The following TWF1 variants were observed in gnomAD, a reference collection of about 807,000 sequenced individuals.
TWF1 encodes the protein twinfilin actin binding protein 1, also known as twinfilin-1.
Under a neutral mutation model 47.9 loss-of-function variants are expected in TWF1, and 14 were observed. That is an observed-to-expected ratio of 0.29 (90% CI 0.19 to 0.46). The LOEUF is 0.46. TWF1 is among the 20% of genes least tolerant of loss of function. The probability of loss-of-function intolerance (pLI) is 1.00; values close to 1 mark genes in which losing one functional copy is unlikely to be tolerated. For synonymous variants in TWF1, 96 were observed against 139.2 expected, an observed-to-expected ratio of 0.69 and a Z score of 2.18; for missense variants, 281 against 409.3, an observed-to-expected ratio of 0.69 and a Z score of 2.70.
At position 43,798,635 on chromosome 12, in the gene TWF1, AAT is replaced by A. The variant is rs1555173563; in HGVS notation, c.483+761_483+762del. 21 of 1,485,378 alleles carry A rather than the reference AAT, an allele frequency of 1.4e-5. No individual in the cohort carries two copies. The East Asian group carries it at 4.2e-4, about 30-fold the overall frequency. 92.0% of individuals were successfully genotyped at this position (1,485,378 alleles called of 1,614,324 possible). ...TATCAAACTCGTAAAAAAAAAAAAA[AAT>A]CACATAAAAAGCCCTACTCAAATAA... On this transcript the variant is annotated intron_variant, in intron 5 of 8. Transcript: ENST00000395510.
In TWF1 at chr12:43,795,420, T is replaced by A; in HGVS notation, c.*165A>T. 1.8e-6 allele frequency: 1 copy of A among 567,042 alleles called. No individual in the cohort carries two copies. The highest frequency in any genetic ancestry group is 2.8e-5 in the East Asian group (1 of 35,370). 35.1% of individuals were successfully genotyped at this position (567,042 alleles called of 1,614,324 possible). On this transcript the variant is annotated 3_prime_UTR_variant, in exon 9 of 9. Transcript: ENST00000395510. ...TTAACTCAAAAATAGAAATCATGAG[T>A]CTTCTATAACATTAATTTTAAAAAC...
intron 4 of TWF1, 39 bp from the exon 5 acceptor site, chr12:43,799,541 G>T: frequency 8.4e-7 from 1 of 1,191,038 alleles, no homozygotes; most frequent in African/African-American, 1.6e-5. Flanking sequence ...TAATTCTCTA[G>T]AAGTAAAATG....
intron 5 of TWF1, chr12:43,798,494 A>T: frequency 7.1e-7 from 1 of 1,416,414 alleles, no homozygotes; most frequent in Admixed American, 3.0e-5. Context: ...TTTTAAAAAA[A>T]TGAATGGAGA....
rs372517936 is a variant in TWF1 at position 43,805,570 on chromosome 12, T to TA, written c.25+650dup. On this transcript the variant is annotated intron_variant, in intron 1 of 8. Coordinates refer to ENST00000395510, the MANE Select transcript of TWF1 (RefSeq NM_002822.5). ...ACCAGGAAATAATGGAGGTCAGATA[T>TA]AACTGCATATTGAACTGTCTGCACG... The TA allele has an allele frequency of 1.6e-3, 747 of 462,076 alleles. 4 individuals carry two copies. Among genetic ancestry groups the TA allele is most frequent in the African/African-American group, 0.014 (705 of 50,302 alleles). 28.6% of individuals were successfully genotyped at this position (462,076 alleles called of 1,614,324 possible).
At chr12:43,798,073 G>T (rs1942587947) in intron 5 of TWF1, among the ~76,000 whole-genome samples, 1 of 152,020 alleles carries the variant, frequency 6.6e-6, no homozygotes, top group Non-Finnish European at 1.5e-5. Context: ...GTGGGGTTTG[G>T]GTGGGTTTGT....
chr12:43,801,004 G>A (rs1048520479), intron 3 of TWF1, among the ~76,000 whole-genome samples: 1 of 152,036 alleles, frequency 6.6e-6, no homozygotes, highest in Non-Finnish European at 1.5e-5. Flanking sequence ...CACTCGCCTC[G>A]GCTTCCCAAA....
Position 43,806,300 on chromosome 12 carries a change from C to A in TWF1, c.-55G>T, listed in dbSNP as rs752510032. On this transcript the variant is annotated 5_prime_UTR_variant, in exon 1 of 9. Transcript: ENST00000395510. ...GCTGAGTGCAGCCAGCGGCCCCGGC[C>A]GGCGGCCCCAGGAAGTGGCTGCTCC... The A allele has an allele frequency of 4.8e-6, 7 of 1,449,142 alleles. No homozygotes were observed. 89.8% of individuals were successfully genotyped at this position (1,449,142 alleles called of 1,614,324 possible).
In TWF1 at chr12:43,806,048, C is replaced by G. The variant is rs1397929942; in HGVS notation, c.25+173G>C. 9.2e-6 allele frequency: 14 copies of G among 1,518,444 alleles called. No homozygotes were observed. The South Asian group carries it at 1.3e-4, about 14-fold the overall frequency. The allele number at this position is 1,518,444 out of a possible 1,614,324, so 94.1% of individuals were successfully genotyped here. ...GGACCGGGCTGGAGGAGGACGCAGG[C>G]CGGCAGCGCCCGGGAAGCAGGAGCG... On this transcript the variant is annotated intron_variant, in intron 1 of 8. Coordinates refer to ENST00000395510, the MANE Select transcript of TWF1 (RefSeq NM_002822.5).
chr12:43,804,232 G>C (rs1190140148), intron 2 of TWF1: 1 of 489,728 alleles, frequency 2.0e-6, no homozygotes. Flanking sequence ...ATGGACTGTG[G>C]TGCAGAAACT....
At position 43,797,715 on chromosome 12, in the gene TWF1, A is replaced by C. The variant is rs1228434638; in HGVS notation, c.602T>G (p.Val201Gly). 1 of 1,611,862 alleles carries C rather than the reference A, an allele frequency of 6.2e-7. No individual in the cohort carries two copies. The highest frequency in any genetic ancestry group is 1.3e-5 in the African/African-American group (1 of 74,976). ...TCATTATACATCTCTTACCAACTGC[A>C]CATAGTTGAGCTGTCTATTATTCAA... ...EKLNNRQLNY[V>G]QLEIDIKNEI... Residue 201 changes from valine (V) to glycine (G), a missense_variant, in exon 6 of 9, where the codon GTG becomes GGG. Coordinates refer to ENST00000395510, the MANE Select transcript of TWF1 (RefSeq NM_002822.5).
intron 4 of TWF1, 51 bp from the exon 5 acceptor site, chr12:43,799,553 C>A: frequency 1.8e-6 from 2 of 1,084,616 alleles, no homozygotes; most frequent in Non-Finnish European, 2.6e-6. Flanking sequence ...AGTAAAATGA[C>A]AGTGAAGTTA....
Position 43,799,442 on chromosome 12 carries a change from G to C in TWF1, c.439C>G (p.Leu147Val), listed in dbSNP as rs776200658. 30 of 1,610,344 alleles carry C rather than the reference G, an allele frequency of 1.9e-5. No individual in the cohort carries two copies. The highest frequency in any genetic ancestry group is 4.0e-5 in the African/African-American group (3 of 74,794). The change falls in exon 5 of 9, where the codon CTG (leucine) becomes GTG (valine). Residue 147 changes from leucine to valine, a missense_variant. Coordinates refer to ENST00000395510, the MANE Select transcript of TWF1 (RefSeq NM_002822.5). ...YLLSQSSPAP[L>V]TAAEEELRQI... The stretch of plus-strand genomic sequence containing the variant: ...CGTAGTTCTTCCTCAGCTGCAGTCA[G>C]TGGGGCAGGGGAAGATTGTGACAGC...
Position 43,797,571 on chromosome 12 carries a change from T to C in TWF1, c.610-119A>G, listed in dbSNP as rs541755170. 47 of 1,405,296 alleles carry C rather than the reference T, an allele frequency of 3.3e-5. 1 individual carries two copies. The South Asian group carries it at 6.4e-4, about 19-fold the overall frequency. 87.1% of individuals were successfully genotyped at this position (1,405,296 alleles called of 1,614,324 possible). A position where few individuals can be genotyped will look rare whatever the true frequency, so the allele number is the denominator to read the frequency against. ...CTTAGTTCTGGATGGTTTGACTTTT[T>C]CACAATGAACATTTACAAAATGAAT... is the stretch of plus-strand genomic sequence containing the variant. On this transcript the variant is annotated intron_variant, in intron 6 of 8. Transcript: ENST00000395510.
chr12:43,798,909 G>C (rs953467498), intron 5 of TWF1, among the ~76,000 whole-genome samples: 4 of 151,952 alleles, frequency 2.6e-5, no homozygotes, highest in Non-Finnish European at 5.9e-5. Flanking sequence ...AAAATAATAT[G>C]GCTGAAATTT....
In TWF1 at chr12:43,795,279, AG is replaced by A. The variant is rs944243097; in HGVS notation, c.*305del. ...TAGTAAGTTTACCCTTTGAGACATC[AG>A]ACTTTCTAGAACTGGCCCAACTGTA... On this transcript the variant is annotated 3_prime_UTR_variant, in exon 9 of 9. Coordinates refer to ENST00000395510, the MANE Select transcript of TWF1 (RefSeq NM_002822.5). 1 of 222,074 alleles carries A rather than the reference AG, an allele frequency of 4.5e-6. No individual in the cohort carries two copies. Among genetic ancestry groups the A allele is most frequent in the African/African-American group, 2.3e-5 (1 of 43,782 alleles). 13.8% of individuals were successfully genotyped at this position (222,074 alleles called of 1,614,324 possible). A position where few individuals can be genotyped will look rare whatever the true frequency, so the allele number is the denominator to read the frequency against.
chr12:43,804,181 T>C (rs992881400), intron 2 of TWF1: 2 of 440,266 alleles, frequency 4.5e-6, no homozygotes, highest in Admixed American at 5.2e-5. Flanking sequence ...ATCACCTGTT[T>C]AGTGATTTCC....
intron 1 of TWF1, among the ~76,000 whole-genome samples, chr12:43,805,006 TATATATCAAATATCC>T (rs1942731483): frequency 6.6e-6 from 1 of 152,234 alleles, no homozygotes; most frequent in African/African-American, 2.4e-5. Context: ...AAAACAACAG[TATATATCAAATATCC>T]TAACTTGTTT....
At chr12:43,798,144 A>C (rs555823717) in intron 5 of TWF1, among the ~76,000 whole-genome samples, 2 of 152,174 alleles carry the variant, frequency 1.3e-5, no homozygotes, top group East Asian at 3.9e-4. Context: ...ACTGATTGTA[A>C]AATTTTACTT....
intron 5 of TWF1, 53 bp from the exon 6 acceptor site, chr12:43,797,886 C>A: frequency 6.4e-7 from 1 of 1,564,494 alleles, no homozygotes. Flanking sequence ...TATCCTATGG[C>A]AAACATAAGA....
Sources: allele counts gnomAD v4.1 joint callset (sites outside exome capture counted in the v4.1 genomes callset), GRCh38; gene constraint gnomAD v4.1.1; transcripts MANE v1.5; gene names NCBI Gene and HGNC (gene_info 2026-07-23, HGNC 2026-07-21).